The following PAG1 variants were observed in gnomAD, a reference collection of about 807,000 sequenced individuals.
PAG1 encodes the protein phosphoprotein associated with glycosphingolipid-enriched microdomains 1.
In PAG1, 23 loss-of-function variants were observed where a neutral mutation model predicts 31.7. The ratio of observed to expected loss-of-function variants is 0.73; its 90% CI spans 0.52 to 1.03. The LOEUF (loss-of-function observed/expected upper bound fraction) is 1.03, where lower values mean the gene tolerates loss of function less well. Among genes scored for constraint, PAG1 ranks in the 50% least tolerant of loss-of-function variants. The probability of loss-of-function intolerance (pLI) is 0.00; values close to 1 mark genes in which losing one functional copy is unlikely to be tolerated. For missense variants in PAG1, 473 were observed against 540.7 expected (o/e 0.87, Z 1.24); for synonymous variants, 214 against 210.3 (o/e 1.02, Z -0.15).
At chr8:81,085,972 GTTTTTTTTTTTTT>G (rs869177030) in intron 1 of PAG1, among the ~76,000 whole-genome samples, 6 of 58,906 alleles carry the variant, frequency 1.0e-4, no homozygotes, top group South Asian at 6.7e-4. Context: ...AATCTGGCTT[GTTTTTTTTTTTTT>G]TTTTTTTTTT....
chr8:81,012,415 GC>G (rs895787180), intron 3 of PAG1, among the ~76,000 whole-genome samples: 9 of 152,314 alleles, frequency 5.9e-5, no homozygotes, highest in Admixed American at 5.2e-4. Flanking sequence ...TTGCCATTCA[GC>G]ATAGAAAAGT....
chr8:81,013,641 G>A (rs1356306062), intron 3 of PAG1, among the ~76,000 whole-genome samples: 1 of 152,180 alleles, frequency 6.6e-6, no homozygotes, highest in Non-Finnish European at 1.5e-5. Flanking sequence ...GTGCAGTGGC[G>A]TGATCTCGGC....
intron 8 of PAG1, among the ~76,000 whole-genome samples, chr8:80,979,714 T>C (rs963807727): frequency 6.6e-6 from 1 of 152,196 alleles, no homozygotes; most frequent in Non-Finnish European, 1.5e-5. Flanking sequence ...TGCTAGGAAT[T>C]CCAGATAGAA....
intron 1 of PAG1, among the ~76,000 whole-genome samples, chr8:81,095,407 T>C (rs900138582): frequency 4.6e-5 from 7 of 152,204 alleles, no homozygotes; most frequent in Non-Finnish European, 1.0e-4. Flanking sequence ...TGCTTCCCGA[T>C]CCTGAGTACA....
chr8:81,046,626 C>G (rs1347940038), intron 2 of PAG1, among the ~76,000 whole-genome samples: 2 of 152,110 alleles, frequency 1.3e-5, no homozygotes, highest in Non-Finnish European at 2.9e-5. Flanking sequence ...ATGTAGTAAT[C>G]CTGTAATTGA....
chr8:80,978,236 T>G (rs1000004657), intron 8 of PAG1, among the ~76,000 whole-genome samples: 2 of 152,204 alleles, frequency 1.3e-5, no homozygotes, highest in Non-Finnish European at 2.9e-5. Flanking sequence ...CTTACTATGT[T>G]GATCTGACTA....
chr8:81,107,644 C>T (rs1367476296), intron 1 of PAG1, among the ~76,000 whole-genome samples: 1 of 152,206 alleles, frequency 6.6e-6, no homozygotes, highest in East Asian at 1.9e-4. Context: ...GCAGCCAACA[C>T]ACAGTAAGTG....
chr8:81,064,226 G>A (rs1808967176), intron 2 of PAG1, among the ~76,000 whole-genome samples: 1 of 152,104 alleles, frequency 6.6e-6, no homozygotes, highest in Non-Finnish European at 1.5e-5. Flanking sequence ...GATGTTTTCG[G>A]GATGAAACTG....
chr8:81,059,012 T>A (rs1196824264), intron 2 of PAG1, among the ~76,000 whole-genome samples: 1 of 152,158 alleles, frequency 6.6e-6, no homozygotes, highest in Non-Finnish European at 1.5e-5. Flanking sequence ...ATACAGTTGT[T>A]CCTTGGTATC....
chr8:80,991,533 G>A lies in PAG1; in HGVS notation c.126-3C>T, dbSNP rs137977164. 6 of 1,610,582 alleles carry A rather than the reference G, an allele frequency of 3.7e-6. No homozygotes were observed. In the African/African-American group the frequency reaches 8.0e-5, roughly 21 times the overall value. On this transcript the variant is annotated splice_polypyrimidine_tract_variant and splice_region_variant and intron_variant, in intron 4 of 8. Transcript: ENST00000220597. ...TATGCTGTCGCGGCTTCTTTTCCCT[G>A]AAATGAAAAGTGAAATGTTGTAATG...
At chr8:81,033,650 T>C (rs1271456663) in intron 2 of PAG1, among the ~76,000 whole-genome samples, 5 of 152,172 alleles carry the variant, frequency 3.3e-5, no homozygotes. Context: ...ATGAGGACGG[T>C]TGGTGACTTC....
chr8:81,037,324 T>C (rs1206859274), intron 2 of PAG1: 1 of 152,218 alleles, frequency 6.6e-6, no homozygotes, highest in Admixed American at 6.5e-5. Flanking sequence ...GACATTTTAC[T>C]AGCAAAAATC....
intron 1 of PAG1, among the ~76,000 whole-genome samples, chr8:81,107,537 T>C (rs1280404227): frequency 6.6e-6 from 1 of 152,194 alleles, no homozygotes; most frequent in African/African-American, 2.4e-5. Context: ...ACAAGTGCCC[T>C]GACTTTTCTA....
chr8:80,984,942 C>T lies in PAG1; in HGVS notation c.710G>A (p.Arg237His), dbSNP rs138317242. The change falls in exon 7 of 9, where the codon CGT (arginine) becomes CAT (histidine). Residue 237 changes from arginine to histidine, a missense_variant. Transcript: ENST00000220597. Reference protein sequence around the residue: ...YASVDRNKKCRQSVNVESILG... With the variant: ...YASVDRNKKCHQSVNVESILG... ...GATACTCTCTACATTAACACTTTGA[C>T]GACATTTTTTGTTTCTGTCCACCGA... 94 of 1,613,992 alleles carry T rather than the reference C, an allele frequency of 5.8e-5. No individual in the cohort carries two copies. Among genetic ancestry groups the T allele is most frequent in the South Asian group, 1.8e-4 (16 of 91,080 alleles).
At chr8:81,080,546 T>C (rs745565403) in intron 1 of PAG1, among the ~76,000 whole-genome samples, 4 of 152,140 alleles carry the variant, frequency 2.6e-5, no homozygotes, top group Non-Finnish European at 5.9e-5. Context: ...TGGTAAGGAC[T>C]GAGGCAAACA....
At position 80,985,212 on chromosome 8, in the gene PAG1, G is replaced by C; in HGVS notation, c.440C>G (p.Thr147Arg). The C allele has an allele frequency of 1.2e-6, 2 of 1,614,022 alleles. No homozygotes were observed. Among genetic ancestry groups the C allele is most frequent in the Non-Finnish European group, 1.7e-6 (2 of 1,180,000 alleles). The change falls in exon 7 of 9, where the codon ACG becomes AGG. Residue 147 changes from threonine to arginine, a missense_variant. Coordinates refer to ENST00000220597, the MANE Select transcript of PAG1 (RefSeq NM_018440.4). ...CTGGTCCCCGTCCACACTTCTCGCC[G>C]TGAGCATGGTATCCACTGCGCTCTC... ...PPESAVDTMLTARSVDGDQGL... is the reference protein window; with the variant it reads ...PPESAVDTMLRARSVDGDQGL...
intron 3 of PAG1, among the ~76,000 whole-genome samples, chr8:81,026,501 C>T (rs1041485235): frequency 8.0e-5 from 12 of 150,722 alleles, no homozygotes; most frequent in African/African-American, 2.2e-4. Context: ...AGGGCATCCT[C>T]CCCCGAGCCA....
intron 8 of PAG1, among the ~76,000 whole-genome samples, chr8:80,980,085 C>A (rs1807266947): frequency 6.6e-6 from 1 of 152,142 alleles, no homozygotes; most frequent in African/African-American, 2.4e-5. Context: ...AATTTTCCAA[C>A]CCATGATTCA....
At chr8:81,104,175 T>C (rs1161369211) in intron 1 of PAG1, among the ~76,000 whole-genome samples, 2 of 152,168 alleles carry the variant, frequency 1.3e-5, no homozygotes, top group Admixed American at 6.5e-5. Context: ...TCTGTGTAGA[T>C]GGAAGCAAGT....
Sources: gnomAD v4.1 joint callset for allele counts (sites outside exome capture counted in the v4.1 genomes callset) on GRCh38, gnomAD v4.1.1 for gene constraint, MANE v1.5 for transcripts, NCBI Gene and HGNC (gene_info 2026-07-23, HGNC 2026-07-21) for gene names.